ELF3: variants seen among roughly 807,000 people sequenced by gnomAD.
The protein encoded by ELF3 is ETS-related transcription factor Elf-3.
ELF3 carries 18 observed loss-of-function variants against 43.9 expected under a neutral mutation model. The ratio of observed to expected loss-of-function variants is 0.41; its 90% CI spans 0.28 to 0.61. The LOEUF is 0.61. Among genes scored for constraint, ELF3 ranks in the 20% least tolerant of loss-of-function variants. The probability of loss-of-function intolerance (pLI) is 0.30; values close to 1 mark genes in which losing one functional copy is unlikely to be tolerated. For synonymous variants in ELF3, 181 were observed against 190.2 expected (o/e 0.95, Z 0.40); for missense variants, 373 against 487.7 (o/e 0.76, Z 2.21).
chr1:202,013,139 T>C lies in ELF3; in HGVS notation c.689-43T>C. The stretch of plus-strand genomic sequence containing the variant: ...CTGTAGAGGGGCTACTCTCCCTAAC[T>C]CCCCTCTTGCCCCTCCTTGACCTTC... On this transcript the variant is annotated intron_variant, in intron 6 of 8. Transcript: ENST00000367284. This position sits in a 1 kb window ranked among gnomAD's most constrained non-coding sequence, Gnocchi z 5.7. 1 of 1,609,646 alleles carries C rather than the reference T, an allele frequency of 6.2e-7. No individual in the cohort carries two copies.
rs998551197 is a variant in ELF3 at position 202,011,116 on chromosome 1, C to A, written c.-8-13C>A. The A allele has an allele frequency of 6.2e-7, 1 of 1,613,490 alleles. No homozygotes were observed. Among genetic ancestry groups the A allele is most frequent in the African/African-American group, 1.3e-5 (1 of 74,934 alleles). On this transcript the variant is annotated splice_polypyrimidine_tract_variant and intron_variant, in intron 1 of 8. Coordinates refer to ENST00000367284, the MANE Select transcript of ELF3 (RefSeq NM_004433.5). ...CCCCTCACCAACCTCATCCTCTCTC[C>A]CCCTACCCACAGGTAGCCTCATGGC...
Position 202,014,638 on chromosome 1 carries a change from C to T in ELF3, c.1002-571C>T, listed in dbSNP as rs1024777574. ...CTTTTTATTTTTCGAGACAGGGTCT[C>T]GCTCTGTCACCCAGGCTAGAGTGCA... is the stretch of plus-strand genomic sequence containing the variant. On this transcript the variant is annotated intron_variant, in intron 8 of 8. Coordinates refer to ENST00000367284, the MANE Select transcript of ELF3 (RefSeq NM_004433.5). 9.9e-5 allele frequency among the ~76,000 whole-genome samples: 15 copies of T among 151,836 alleles called. 1 individual carries two copies. Among genetic ancestry groups the T allele is most frequent in the African/African-American group, 3.4e-4 (14 of 41,290 alleles).
rs758254270 is a variant in ELF3, at chr1:202,015,346, CAA to C, written c.*25_*26del. Reference sequence around the variant, plus strand: ...TGAGGGTTGGAACTATACCCGGGACCAAACTCACGGACCACTCGAGGCCTGCA... The same window carrying C: ...TGAGGGTTGGAACTATACCCGGGACCACTCACGGACCACTCGAGGCCTGCA... On this transcript the variant is annotated 3_prime_UTR_variant, in exon 9 of 9. Coordinates refer to ENST00000367284, the MANE Select transcript of ELF3 (RefSeq NM_004433.5). The C allele has an allele frequency of 6.2e-7, 1 of 1,612,200 alleles. No individual in the cohort carries two copies. The highest frequency in any genetic ancestry group is 8.5e-7 in the Non-Finnish European group (1 of 1,178,804).
At chr1:202,015,187 G>T in intron 8 of ELF3, 22 bp from the exon 9 acceptor site, 2 of 1,613,472 alleles carry the variant, frequency 1.2e-6, no homozygotes, top group South Asian at 2.2e-5. Context: ...AAGCACCTCT[G>T]ACCATCCTTC....
rs1684226691 is a variant in ELF3, at chr1:202,012,553, G to A, written c.479-87G>A. The A allele has an allele frequency of 6.4e-7, 1 of 1,554,688 alleles. No individual in the cohort carries two copies. The highest frequency in any genetic ancestry group is 1.4e-5 in the African/African-American group (1 of 73,098). ...TCTTCCTCCCTCAATTAGAAAAATTGCAGCAGGTCATCAGACCCATGGGCA... is the reference window on the plus strand; with the variant it reads ...TCTTCCTCCCTCAATTAGAAAAATTACAGCAGGTCATCAGACCCATGGGCA... On this transcript the variant is annotated intron_variant, in intron 4 of 8. Coordinates refer to ENST00000367284, the MANE Select transcript of ELF3 (RefSeq NM_004433.5). This position sits in a 1 kb window ranked among gnomAD's most constrained non-coding sequence, Gnocchi z 4.2.
rs1380075032 is a variant in ELF3 at position 202,015,194 on chromosome 1, C to T, written c.1002-15C>T. ...TCCTGCCAAAGCACCTCTGACCATCCTTCTCTTCACCCAGGTACTACTACA... is the reference window on the plus strand; with the variant it reads ...TCCTGCCAAAGCACCTCTGACCATCTTTCTCTTCACCCAGGTACTACTACA... On this transcript the variant is annotated splice_polypyrimidine_tract_variant and intron_variant, in intron 8 of 8. Coordinates refer to ENST00000367284, the MANE Select transcript of ELF3 (RefSeq NM_004433.5). 1.2e-6 allele frequency: 2 copies of T among 1,613,738 alleles called. No individual in the cohort carries two copies. Among genetic ancestry groups the T allele is most frequent in the Admixed American group, 1.7e-5 (1 of 60,020 alleles).
rs751162478 is a variant in ELF3 at position 202,011,311 on chromosome 1, CG to C, written c.163+16del. On this transcript the variant is annotated intron_variant, in intron 2 of 8. Transcript: ENST00000367284. Reference sequence around the variant, plus strand: ...ATTGGAGGGTACAGGTGGGTCTCAGCGGGGTGGGATGGGGCACGGAGTGGGA... The same window carrying C: ...ATTGGAGGGTACAGGTGGGTCTCAGCGGGTGGGATGGGGCACGGAGTGGGA... 2 of 1,549,088 alleles carry C rather than the reference CG, an allele frequency of 1.3e-6. No individual in the cohort carries two copies. Among genetic ancestry groups the C allele is most frequent in the Non-Finnish European group, 1.7e-6 (2 of 1,145,774 alleles).
rs1684186719 is a variant in ELF3 at position 202,011,238 on chromosome 1, C to T, written c.102C>T (p.Thr34=). Residue 34 remains threonine, a synonymous_variant, in exon 2 of 9, where the codon ACC becomes ACT. Coordinates refer to ENST00000367284, the MANE Select transcript of ELF3 (RefSeq NM_004433.5). ...TGGCCTCTGTTCCCCCTGCTGCCAC[C>T]TTTGGGGCCGATGACTTGGTACTGA... The part of the protein sequence containing the change: ...STLASVPPAA[T]FGADDLVLTL... 1 of 1,613,146 alleles carries T rather than the reference C, an allele frequency of 6.2e-7. No homozygotes were observed. The highest frequency in any genetic ancestry group is 8.5e-7 in the Non-Finnish European group (1 of 1,179,500).
At chr1:202,014,047 C>G (rs1558274552) in intron 8 of ELF3, 23 bp downstream of exon 8, 1 of 1,591,882 alleles carries the variant, frequency 6.3e-7, no homozygotes, top group Non-Finnish European at 8.6e-7. Context: ...CCAGGACCCT[C>G]ACGATACAGC....
At chr1:202,014,224 A>G (rs1201634908) in intron 8 of ELF3, among the ~76,000 whole-genome samples, 200 bp downstream of exon 8, 1 of 152,254 alleles carries the variant, frequency 6.6e-6, no homozygotes, top group Non-Finnish European at 1.5e-5. Flanking sequence ...CAGCAGACAC[A>G]GTGCACTTGA....
At position 202,013,881 on chromosome 1, in the gene ELF3, G is replaced by T; in HGVS notation, c.858G>T (p.Pro286=). The change falls in exon 8 of 9, where the codon CCG becomes CCT. Residue 286 remains proline (P), a synonymous_variant. Transcript: ENST00000367284. The surrounding 1 kb of genome is among the most constrained non-coding windows in gnomAD (Gnocchi z 5.7). ...WEFIRDILIH[P]ELNEGLMKWE... is the part of the protein sequence containing the mutation. Reference sequence around the variant, plus strand: ...TCATCCGGGACATCCTCATCCACCCGGAGCTCAACGAGGGCCTCATGAAGT... The same window carrying T: ...TCATCCGGGACATCCTCATCCACCCTGAGCTCAACGAGGGCCTCATGAAGT... 6.2e-7 allele frequency: 1 copy of T among 1,614,024 alleles called. No individual in the cohort carries two copies. The highest frequency in any genetic ancestry group is 1.1e-5 in the South Asian group (1 of 91,058).
At position 202,012,479 on chromosome 1, in the gene ELF3, C is replaced by A; in HGVS notation, c.478+43C>A. 6.2e-7 allele frequency: 1 copy of A among 1,606,284 alleles called. No homozygotes were observed. The highest frequency in any genetic ancestry group is 1.1e-5 in the South Asian group (1 of 89,980). ...CCTTCCTTCCCCAGCCTGTCTTGTC[C>A]CATCCCTGCCCCTCCACAGAGTGCT... On this transcript the variant is annotated intron_variant, in intron 4 of 8. Transcript: ENST00000367284. This position sits in a 1 kb window ranked among gnomAD's most constrained non-coding sequence, Gnocchi z 4.2.
chr1:202,012,214 C>T lies in ELF3; in HGVS notation c.385+36C>T, dbSNP rs79921802. ...GCCCCTGGAGGCTGGGGAGCAGCTC[C>T]ACATGTTGAGCTGAGTCGAGTTCAG... is the stretch of plus-strand genomic sequence containing the variant. On this transcript the variant is annotated intron_variant, in intron 3 of 8. Coordinates refer to ENST00000367284, the MANE Select transcript of ELF3 (RefSeq NM_004433.5). The surrounding 1 kb of genome is among the most constrained non-coding windows in gnomAD (Gnocchi z 4.2). The T allele has an allele frequency of 2.6e-3, 4,252 of 1,608,546 alleles. 106 individuals carry two copies. The African/African-American group carries it at 0.051, about 19-fold the overall frequency.
Position 202,012,840 on chromosome 1 carries a change from C to G in ELF3, c.598+81C>G. 6.5e-7 allele frequency: 1 copy of G among 1,538,686 alleles called. No individual in the cohort carries two copies. Among genetic ancestry groups the G allele is most frequent in the Non-Finnish European group, 8.7e-7 (1 of 1,143,626 alleles). On this transcript the variant is annotated intron_variant, in intron 5 of 8. Transcript: ENST00000367284. This position sits in a 1 kb window ranked among gnomAD's most constrained non-coding sequence, Gnocchi z 4.2. ...CTGGCTCCCAGCACCATAACTCAGG[C>G]CTTCTGGCAGGAACAGGAACAGGCT... is the stretch of plus-strand genomic sequence containing the variant.
In ELF3 at chr1:202,012,677, C is replaced by T. The variant is rs35927825; in HGVS notation, c.516C>T (p.Asp172=). ...GSPFAQELLD[D]GQQASPYHPG... ...CCTTTGCCCAGGAGCTGCTGGACGA[C>T]GGTCAGCAAGCCAGCCCCTACCACC... The change falls in exon 5 of 9, where the codon GAC becomes GAT. Residue 172 remains aspartate, a synonymous_variant. Transcript: ENST00000367284. This position sits in a 1 kb window ranked among gnomAD's most constrained non-coding sequence, Gnocchi z 4.2. The T allele has an allele frequency of 3.4e-3, 5,521 of 1,609,026 alleles. 13 individuals are homozygous for T. The highest frequency in any genetic ancestry group is 5.1e-3 in the Middle Eastern group (31 of 6,042).
intron 2 of ELF3, 105 bp from the exon 3 acceptor site, chr1:202,011,852 A>T: frequency 9.0e-7 from 1 of 1,112,574 alleles, no homozygotes; most frequent in Non-Finnish European, 1.3e-6. Context: ...ACCCCAGCCT[A>T]GGTGACAGGA....
Position 202,014,001 on chromosome 1 carries a change from C to T in ELF3, c.978C>T (p.Tyr326=), listed in dbSNP as rs369061777. The change falls in exon 8 of 9, where the codon TAC becomes TAT. Residue 326 remains tyrosine (Y), a synonymous_variant. Coordinates refer to ENST00000367284, the MANE Select transcript of ELF3 (RefSeq NM_004433.5). ...GQKKKNSNMT[Y]EKLSRAMRYY... ...AGAAAAAGAACAGCAACATGACCTA[C>T]GAGAAGCTGAGCCGGGCCATGAGGT... 16 of 1,612,694 alleles carry T rather than the reference C, an allele frequency of 9.9e-6. No individual in the cohort carries two copies. The highest frequency in any genetic ancestry group is 4.0e-5 in the African/African-American group (3 of 75,014).
chr1:202,013,759 G>A lies in ELF3; in HGVS notation c.806-70G>A, dbSNP rs1415841819. 5.9e-6 allele frequency: 9 copies of A among 1,517,280 alleles called. No individual in the cohort carries two copies. Among genetic ancestry groups the A allele is most frequent in the African/African-American group, 1.4e-5 (1 of 72,550 alleles). 94.0% of individuals were successfully genotyped at this position (1,517,280 alleles called of 1,614,324 possible). On this transcript the variant is annotated intron_variant, in intron 7 of 8. Transcript: ENST00000367284. This position sits in a 1 kb window ranked among gnomAD's most constrained non-coding sequence, Gnocchi z 5.7. ...GGCCAAGTCAGCAGTGCACTGGGGC[G>A]GGCAGGGCTGGCTGGCCTTGGGTGA...
Position 202,013,338 on chromosome 1 carries a change from T to C in ELF3, c.805+40T>C. The C allele has an allele frequency of 1.9e-6, 3 of 1,592,294 alleles. No homozygotes were observed. The highest frequency in any genetic ancestry group is 2.6e-6 in the Non-Finnish European group (3 of 1,164,034). On this transcript the variant is annotated intron_variant, in intron 7 of 8. Coordinates refer to ENST00000367284, the MANE Select transcript of ELF3 (RefSeq NM_004433.5). This position sits in a 1 kb window ranked among gnomAD's most constrained non-coding sequence, Gnocchi z 5.7. ...CACGTGGGTCCTCCCTGCGCCGGGC[T>C]GAGCGGCTTCCTGGGGCACTGCGGG...
Sources: allele counts gnomAD v4.1 joint callset (sites outside exome capture counted in the v4.1 genomes callset), GRCh38; gene constraint gnomAD v4.1.1; non-coding constraint Gnocchi (gnomAD v3.1); transcripts MANE v1.5; gene names NCBI Gene and HGNC (gene_info 2026-07-23, HGNC 2026-07-21).